The following CHD7 variants were observed in gnomAD, a reference collection of about 807,000 sequenced individuals.
The protein encoded by CHD7 is ATP-dependent chromatin remodeler CHD7.
CHD7 carries 24 observed loss-of-function variants against 307.3 expected under a neutral mutation model. That is an observed-to-expected ratio of 0.08 (90% CI 0.06 to 0.11). The LOEUF (loss-of-function observed/expected upper bound fraction) is 0.11. CHD7 is among the 10% of genes least tolerant of loss of function. The pLI is 1.00. For missense variants in CHD7, 3,106 were observed against 3,727.1 expected (o/e 0.83, Z 4.34); for synonymous variants, 1,363 against 1,349.9 (o/e 1.01, Z -0.21).
chr8:60,799,413 A>G (rs919667273), intron 4 of CHD7, among the ~76,000 whole-genome samples: 24 of 152,226 alleles, frequency 1.6e-4, no homozygotes, highest in African/African-American at 4.8e-4. Context: ...GCTATTACCA[A>G]TCTTTTTAAT....
Position 60,866,034 on chromosome 8 carries a change from C to A in CHD7, c.*101C>A. 1 of 1,114,976 alleles carries A rather than the reference C, an allele frequency of 9.0e-7. No individual in the cohort carries two copies. Among genetic ancestry groups the A allele is most frequent in the Non-Finnish European group, 1.3e-6 (1 of 774,754 alleles). The allele number at this position is 1,114,976 out of a possible 1,614,324, so 69.1% of individuals were successfully genotyped here. On this transcript the variant is annotated 3_prime_UTR_variant, in exon 38 of 38. Transcript: ENST00000423902. ...TTCATACCTAGTTTTATAAGCTGTTCTGTAACATAGTGTAGCAAAAAAAAA... is the reference window on the plus strand; with the variant it reads ...TTCATACCTAGTTTTATAAGCTGTTATGTAACATAGTGTAGCAAAAAAAAA...
At chr8:60,733,206 A>T (rs1285677077) in intron 1 of CHD7, among the ~76,000 whole-genome samples, 1 of 150,060 alleles carries the variant, frequency 6.7e-6, no homozygotes, top group Non-Finnish European at 1.5e-5. Flanking sequence ...ACTGCACTCC[A>T]GCTTGGGTGA....
At chr8:60,837,510 C>CTG (rs916069602) in intron 17 of CHD7, among the ~76,000 whole-genome samples, 158 bp from the exon 18 acceptor site, 2 of 152,164 alleles carry the variant, frequency 1.3e-5, no homozygotes, top group African/African-American at 4.8e-5. Flanking sequence ...AGCAGTAATC[C>CTG]TGTTCGTGAG....
chr8:60,791,933 C>T (rs1478793387), intron 3 of CHD7, among the ~76,000 whole-genome samples: 3 of 152,204 alleles, frequency 2.0e-5, no homozygotes, highest in Non-Finnish European at 4.4e-5. Context: ...GTTGAATCGG[C>T]CCAAATGGGT....
intron 15 of CHD7, among the ~76,000 whole-genome samples, chr8:60,832,684 T>C (rs1356864468): frequency 6.6e-6 from 1 of 152,112 alleles, no homozygotes; most frequent in African/African-American, 2.4e-5. Context: ...GCAATGGTAG[T>C]TAGATTGACA....
In CHD7 at chr8:60,780,981, T is replaced by G; in HGVS notation, c.1666-19T>G. The G allele has an allele frequency of 6.6e-7, 1 of 1,509,562 alleles. No homozygotes were observed. Among genetic ancestry groups the G allele is most frequent in the Non-Finnish European group, 8.8e-7 (1 of 1,133,940 alleles). 93.5% of individuals were successfully genotyped at this position (1,509,562 alleles called of 1,614,324 possible). A position where few individuals can be genotyped will look rare whatever the true frequency, so the allele number is the denominator to read the frequency against. On this transcript the variant is annotated intron_variant, in intron 2 of 37. Transcript: ENST00000423902. ...TGAAGAATGATAAACTAATTTCAAT[T>G]CCTATTTGTGTCTCTCAGCATTCCC...
chr8:60,853,224 G>A lies in CHD7; in HGVS notation c.6499G>A (p.Val2167Ile), dbSNP rs971937875. 3.7e-6 allele frequency: 6 copies of A among 1,613,862 alleles called. No individual in the cohort carries two copies. The East Asian group carries it at 1.1e-4, about 30-fold the overall frequency. Residue 2167 changes from valine (V) to isoleucine (I), a missense_variant, in exon 31 of 38, where the codon GTA (valine) becomes ATA (isoleucine). Transcript: ENST00000423902. ...ISSAHIQDER[V>I]LEQAEGKVEE... Reference sequence around the variant, plus strand: ...ATCTGCTCATATTCAAGATGAGAGGGTACTGGAACAAGCCGAAGGCAAAGT... The same window carrying A: ...ATCTGCTCATATTCAAGATGAGAGGATACTGGAACAAGCCGAAGGCAAAGT...
chr8:60,857,196 G>C (rs887074871), intron 34 of CHD7, among the ~76,000 whole-genome samples: 1 of 152,164 alleles, frequency 6.6e-6, no homozygotes, highest in African/African-American at 2.4e-5. Context: ...AATTCTTGAG[G>C]TGGAACAAGT....
chr8:60,862,468 A>T, intron 36 of CHD7, 80 bp from the exon 37 acceptor site: 1 of 1,472,294 alleles, frequency 6.8e-7, no homozygotes, highest in South Asian at 1.2e-5. Flanking sequence ...TGTGTGTATT[A>T]TAGAAGGGGG....
intron 1 of CHD7, among the ~76,000 whole-genome samples, chr8:60,685,977 G>A (rs1805867656): frequency 6.6e-6 from 1 of 152,162 alleles, no homozygotes; most frequent in Non-Finnish European, 1.5e-5. Flanking sequence ...ATCAAATTTT[G>A]TTCTTGTGTG....
intron 7 of CHD7, chr8:60,808,703 A>C (rs1362136884): frequency 2.5e-5 from 4 of 160,048 alleles, no homozygotes; most frequent in African/African-American, 9.6e-5. Flanking sequence ...CAGGTTCTAA[A>C]ATGCAGTGAG....
intron 1 of CHD7, among the ~76,000 whole-genome samples, chr8:60,684,766 A>G (rs914823669): frequency 6.6e-6 from 1 of 152,160 alleles, no homozygotes; most frequent in Non-Finnish European, 1.5e-5. Flanking sequence ...ACCACTGATG[A>G]GTGTTAAGCA....
chr8:60,836,309 A>G (rs1166052098), intron 16 of CHD7, 26 bp downstream of exon 16: 1 of 1,594,880 alleles, frequency 6.3e-7, no homozygotes. Context: ...TCAGAATAAT[A>G]AAAAGGAAAT....
At chr8:60,784,245 G>A (rs1435843335) in intron 3 of CHD7, among the ~76,000 whole-genome samples, 2 of 152,168 alleles carry the variant, frequency 1.3e-5, no homozygotes, top group Non-Finnish European at 2.9e-5. Flanking sequence ...ATACAACAGT[G>A]GCAATTTTGT....
At chr8:60,775,031 T>C (rs1352662272) in intron 2 of CHD7, among the ~76,000 whole-genome samples, 3 of 152,022 alleles carry the variant, frequency 2.0e-5, no homozygotes, top group Non-Finnish European at 4.4e-5. Flanking sequence ...TCAGAATGTG[T>C]TTATAATTTA....
chr8:60,791,675 C>G (rs1447635346), intron 3 of CHD7, among the ~76,000 whole-genome samples: 1 of 152,076 alleles, frequency 6.6e-6, no homozygotes, highest in Non-Finnish European at 1.5e-5. Flanking sequence ...GTTGTATAGC[C>G]CTGCATGTGG....
chr8:60,781,580 C>A, intron 3 of CHD7, 150 bp downstream of exon 3: 3 of 1,201,458 alleles, frequency 2.5e-6, no homozygotes, highest in East Asian at 2.7e-5. Flanking sequence ...AACTAAAAAG[C>A]TAAGGCTTTT....
At chr8:60,708,956 C>T (rs1807149310) in intron 1 of CHD7, among the ~76,000 whole-genome samples, 1 of 152,098 alleles carries the variant, frequency 6.6e-6, no homozygotes, top group Admixed American at 6.5e-5. Flanking sequence ...GCCCTAGTGG[C>T]TCGCCTGTCT....
chr8:60,752,806 A>G (rs866714652), intron 2 of CHD7, among the ~76,000 whole-genome samples: 14 of 152,246 alleles, frequency 9.2e-5, no homozygotes, highest in Non-Finnish European at 1.8e-4. Flanking sequence ...CAAGTCTAGC[A>G]TGAAGAGATA....
Sources: allele counts gnomAD v4.1 joint callset (sites outside exome capture counted in the v4.1 genomes callset), GRCh38; gene constraint gnomAD v4.1.1; transcripts MANE v1.5; gene names NCBI Gene and HGNC (gene_info 2026-07-23, HGNC 2026-07-21).